The following C5 variants were observed in gnomAD, a reference collection of about 807,000 sequenced individuals.
The protein encoded by C5 is C3 and PZP-like alpha-2-macroglobulin domain-containing protein 4.
A neutral mutation model predicts 218.8 loss-of-function variants in C5; 140 were observed. The ratio of observed to expected loss-of-function variants is 0.64; its 90% CI spans 0.56 to 0.74. The LOEUF (loss-of-function observed/expected upper bound fraction) is 0.74. Among genes scored for constraint, C5 ranks in the 30% least tolerant of loss-of-function variants. C5 has a pLI of 0.00. For missense variants in C5, 1,700 were observed against 1,969.6 expected, an observed-to-expected ratio of 0.86 and a Z score of 2.59; for synonymous variants, 614 against 682.3, an observed-to-expected ratio of 0.90 and a Z score of 1.56.
chr9:120,954,070 G>T (rs1187894830), intron 39 of C5, among the ~76,000 whole-genome samples: 1 of 152,166 alleles, frequency 6.6e-6, no homozygotes, highest in African/African-American at 2.4e-5. Context: ...CTGGCTATGT[G>T]ACTCTGGGAA....
chr9:121,021,776 C>T, intron 10 of C5, 82 bp from the exon 11 acceptor site: 1 of 1,214,946 alleles, frequency 8.2e-7, no homozygotes, highest in Non-Finnish European at 1.2e-6. Flanking sequence ...TTTCCTTCCT[C>T]CCCACCAAAG....
rs200564125 is a variant in C5, at chr9:120,989,155, A to G, written c.3155-34T>C. On this transcript the variant is annotated intron_variant, in intron 24 of 40. Coordinates refer to ENST00000223642, the MANE Select transcript of C5 (RefSeq NM_001735.3). ...CACAAGAAAAAGAACACGGTGCTTA[A>G]CAGACCTCCGTTTCTACTCAAAGAA... The G allele has an allele frequency of 1.7e-3, 2,583 of 1,515,470 alleles. 2 individuals carry two copies. Among genetic ancestry groups the G allele is most frequent in the Non-Finnish European group, 2.2e-3 (2,371 of 1,089,936 alleles). The allele number at this position is 1,515,470 out of a possible 1,614,324, so 93.9% of individuals were successfully genotyped here.
chr9:121,054,555 G>A (rs927797558), upstream of C5, among the ~76,000 whole-genome samples: 2 of 152,160 alleles, frequency 1.3e-5, no homozygotes, highest in East Asian at 3.8e-4. Context: ...AGCCAAGATC[G>A]TGCCATTGCA....
intron 29 of C5, among the ~76,000 whole-genome samples, chr9:120,975,813 A>G (rs1217329231): frequency 1.3e-5 from 2 of 152,194 alleles, no homozygotes; most frequent in African/African-American, 4.8e-5. Context: ...ACAGCAACAC[A>G]CAATGGACTA....
Position 121,017,584 on chromosome 9 carries a change from T to A in C5, c.1716+59A>T. The A allele has an allele frequency of 1.2e-5, 19 of 1,603,358 alleles. No homozygotes were observed. The South Asian group carries it at 2.1e-4, about 18-fold the overall frequency. ...AAGACTTTTCAGAAGCAGCTAAAAC[T>A]TTGGCAGCCTCCTTCATTGAAAAGA... On this transcript the variant is annotated intron_variant, in intron 13 of 40. Coordinates refer to ENST00000223642, the MANE Select transcript of C5 (RefSeq NM_001735.3).
intron 17 of C5, among the ~76,000 whole-genome samples, chr9:121,009,664 C>T (rs772787871): frequency 2.0e-4 from 31 of 152,234 alleles, no homozygotes; most frequent in Non-Finnish European, 4.3e-4. Context: ...CAACTAACTA[C>T]ACACAAAAAG....
At chr9:121,054,094 C>T (rs1169455234), upstream of C5, among the ~76,000 whole-genome samples, 6 of 151,958 alleles carry the variant, frequency 3.9e-5, 1 homozygote, top group South Asian at 6.2e-4. Flanking sequence ...AATTCCTGGC[C>T]GTGATGGGAA....
intron 30 of C5, among the ~76,000 whole-genome samples, chr9:120,973,857 T>A (rs2046932353): frequency 6.6e-6 from 1 of 152,022 alleles, no homozygotes; most frequent in South Asian, 2.1e-4. Context: ...CAGGCGCCTA[T>A]AATCCCGCCT....
At chr9:121,025,702 AAAAGT>A (rs1294200893) in intron 8 of C5, 122 bp from the exon 9 acceptor site, 13 of 912,690 alleles carry the variant, frequency 1.4e-5, no homozygotes, top group Non-Finnish European at 2.3e-5. Flanking sequence ...GTTTAGTGTC[AAAAGT>A]AAAGTAGATA....
chr9:121,044,008 A>C (rs528775527), intron 2 of C5, among the ~76,000 whole-genome samples: 33 of 152,328 alleles, frequency 2.2e-4, no homozygotes, highest in Admixed American at 2.1e-3. Flanking sequence ...TATCTATGAA[A>C]AATTAGGCTT....
the C5 span, among the ~76,000 whole-genome samples, chr9:121,071,003 CAT>C: frequency 6.6e-6 from 1 of 152,216 alleles, no homozygotes; most frequent in Admixed American, 6.5e-5. Flanking sequence ...ACAGTTACTA[CAT>C]GTCATTTAAA....
chr9:120,981,481 A>G (rs532923892), intron 27 of C5, among the ~76,000 whole-genome samples: 1 of 152,352 alleles, frequency 6.6e-6, no homozygotes, highest in South Asian at 2.1e-4. Context: ...ACAGTAACAT[A>G]TAAAGCAGGA....
chr9:121,044,912 A>G (rs2047613190), intron 2 of C5, among the ~76,000 whole-genome samples: 1 of 151,482 alleles, frequency 6.6e-6, no homozygotes, highest in South Asian at 2.1e-4. Context: ...AATACATTGT[A>G]TCAGATAAAA....
chr9:121,074,768 G>C, the C5 span: 1 of 453,984 alleles, frequency 2.2e-6, no homozygotes, highest in Non-Finnish European at 4.4e-6. Context: ...AACGCAATCC[G>C]AAGGCGAAGG....
intron 25 of C5, among the ~76,000 whole-genome samples, chr9:120,988,577 G>A (rs41311895): frequency 1.3e-5 from 2 of 152,124 alleles, no homozygotes; most frequent in African/African-American, 4.8e-5. Context: ...GAGTATAGGA[G>A]ATAAAGTAGG....
the C5 span, among the ~76,000 whole-genome samples, chr9:121,056,772 G>C: frequency 6.6e-6 from 1 of 152,104 alleles, no homozygotes; most frequent in Non-Finnish European, 1.5e-5. Context: ...TAGCCTTAAA[G>C]GGGATGTAGA....
chr9:120,999,458 C>T (rs1442208363), intron 20 of C5, among the ~76,000 whole-genome samples: 1 of 152,182 alleles, frequency 6.6e-6, no homozygotes, highest in Non-Finnish European at 1.5e-5. Flanking sequence ...GGAATAGTTA[C>T]CACAGCTGAA....
intron 40 of C5, among the ~76,000 whole-genome samples, chr9:120,953,210 C>T (rs1377471378): frequency 6.6e-6 from 1 of 152,176 alleles, no homozygotes; most frequent in Non-Finnish European, 1.5e-5. Flanking sequence ...AGGTGTGAGC[C>T]ACCGTGCCCA....
chr9:121,047,863 GATA>G (rs1348207521), intron 1 of C5, among the ~76,000 whole-genome samples: 1 of 152,078 alleles, frequency 6.6e-6, no homozygotes, highest in East Asian at 1.9e-4. Flanking sequence ...CAGTTTTTAT[GATA>G]ATAAGATATA....
Sources: gnomAD v4.1 joint callset for allele counts (sites outside exome capture counted in the v4.1 genomes callset) on GRCh38, gnomAD v4.1.1 for gene constraint, MANE v1.5 for transcripts, NCBI Gene and HGNC (gene_info 2026-07-23, HGNC 2026-07-21) for gene names.